Variants in SNX7 observed in about 807,000 individuals in gnomAD.
SNX7 encodes the protein sorting nexin-7.
In SNX7, 35 loss-of-function variants were observed where a neutral mutation model predicts 48.4. The observed-to-expected ratio is 0.72, with a 90% CI of 0.55 to 0.96. SNX7 has a LOEUF of 0.96. Ranked by LOEUF, SNX7 falls within the 40% of genes least tolerant of loss-of-function variation. SNX7 has a pLI of 0.00. For missense variants in SNX7, 553 were observed against 548.9 expected (o/e 1.01, Z -0.07); for synonymous variants, 190 against 190.2 (o/e 1.00, Z 0.01).
chr1:98,749,978 C>A (rs1654502758), intron 8 of SNX7, among the ~76,000 whole-genome samples: 1 of 151,942 alleles, frequency 6.6e-6, no homozygotes, highest in South Asian at 2.1e-4. Flanking sequence ...ATGTAATTAT[C>A]ATGGTACTCT....
chr1:98,668,523 A>G (rs572679475), intron 1 of SNX7, among the ~76,000 whole-genome samples: 17 of 152,340 alleles, frequency 1.1e-4, no homozygotes, highest in Non-Finnish European at 1.9e-4. Context: ...GCTTAGATCC[A>G]TTAACACTGT....
intron 1 of SNX7, among the ~76,000 whole-genome samples, chr1:98,675,158 G>A (rs773014415): frequency 2.0e-5 from 3 of 152,134 alleles, no homozygotes; most frequent in Non-Finnish European, 4.4e-5. Flanking sequence ...CTCCTGAAAC[G>A]CATCAACCGC....
intron 8 of SNX7, among the ~76,000 whole-genome samples, chr1:98,750,567 T>C (rs940255914): frequency 6.6e-6 from 1 of 152,088 alleles, no homozygotes; most frequent in African/African-American, 2.4e-5. Context: ...TTTATAAGAT[T>C]TTATGCTCAT....
At chr1:98,744,239 T>C (rs1462983943) in intron 8 of SNX7, among the ~76,000 whole-genome samples, 3 of 152,036 alleles carry the variant, frequency 2.0e-5, no homozygotes, top group African/African-American at 7.2e-5. Flanking sequence ...AAAAGTTAGT[T>C]ATACTTTCTC....
intron 8 of SNX7, among the ~76,000 whole-genome samples, chr1:98,742,732 G>C (rs1654131678): frequency 6.6e-6 from 1 of 151,926 alleles, no homozygotes; most frequent in Non-Finnish European, 1.5e-5. Context: ...TTCTCCTAGG[G>C]AGTGGTTCAT....
chr1:98,680,110 TGGA>T (rs1312332672), intron 1 of SNX7, among the ~76,000 whole-genome samples: 1 of 152,204 alleles, frequency 6.6e-6, no homozygotes, highest in Non-Finnish European at 1.5e-5. Context: ...GAAATCTAGG[TGGA>T]GGTTCCTAAA....
intron 3 of SNX7, 147 bp from the exon 4 acceptor site, chr1:98,691,388 T>G (rs1293077823): frequency 5.3e-6 from 4 of 749,854 alleles, no homozygotes; most frequent in Non-Finnish European, 7.9e-6. Context: ...TTCTCATTTT[T>G]GGTTCTAACA....
At chr1:98,755,800 A>G (rs1654813106) in intron 8 of SNX7, among the ~76,000 whole-genome samples, 1 of 151,804 alleles carries the variant, frequency 6.6e-6, no homozygotes, top group South Asian at 2.1e-4. Context: ...TTTTAACTAT[A>G]TTTGTCCTTA....
chr1:98,661,560 A>C, upstream of SNX7: 1 of 496,116 alleles, frequency 2.0e-6, no homozygotes. Flanking sequence ...CCAGGTGGGG[A>C]TGCGCCCGGC....
At chr1:98,739,534 T>A (rs1653967120) in intron 8 of SNX7, among the ~76,000 whole-genome samples, 1 of 152,194 alleles carries the variant, frequency 6.6e-6, no homozygotes, top group African/African-American at 2.4e-5. Context: ...GTTTCTCATG[T>A]AGTTACAGCC....
chr1:98,699,890 C>T (rs1390836608), intron 6 of SNX7, among the ~76,000 whole-genome samples: 1 of 152,070 alleles, frequency 6.6e-6, no homozygotes, highest in East Asian at 1.9e-4. Flanking sequence ...TCTTGCTTCC[C>T]AAAAGCCTTC....
intron 2 of SNX7, 152 bp downstream of exon 2, chr1:98,685,219 T>A (rs560022913): frequency 1.4e-4 from 60 of 438,656 alleles, no homozygotes; most frequent in Admixed American, 3.0e-4. Flanking sequence ...ACATTGCTTC[T>A]TATCTGCCCT....
intron 7 of SNX7, among the ~76,000 whole-genome samples, chr1:98,721,301 C>T (rs1486952519): frequency 3.3e-5 from 5 of 152,068 alleles, no homozygotes; most frequent in African/African-American, 1.2e-4. Flanking sequence ...ATAAGGGATA[C>T]TTAACCTGTA....
chr1:98,732,080 A>G (rs1653542023), intron 7 of SNX7, among the ~76,000 whole-genome samples: 1 of 152,100 alleles, frequency 6.6e-6, no homozygotes, highest in South Asian at 2.1e-4. Context: ...TCACTATCCT[A>G]AAGTCAAAAA....
chr1:98,664,026 G>A (rs1022305915), intron 1 of SNX7, among the ~76,000 whole-genome samples: 5 of 152,116 alleles, frequency 3.3e-5, no homozygotes, highest in Non-Finnish European at 7.3e-5. Flanking sequence ...TGCTCCACGT[G>A]GCCTTCCCTT....
intron 8 of SNX7, among the ~76,000 whole-genome samples, chr1:98,745,199 C>A (rs189065244): frequency 1.3e-5 from 2 of 151,926 alleles, no homozygotes; most frequent in Admixed American, 1.3e-4. Flanking sequence ...TAAATTGTTG[C>A]AATAGAGGTG....
chr1:98,681,401 A>G (rs995127019), intron 1 of SNX7, among the ~76,000 whole-genome samples: 1 of 152,184 alleles, frequency 6.6e-6, no homozygotes, highest in Non-Finnish European at 1.5e-5. Context: ...GAGACCAGCC[A>G]GGGCAACATA....
At chr1:98,704,026 A>G (rs1651890630) in intron 7 of SNX7, among the ~76,000 whole-genome samples, 2 of 152,150 alleles carry the variant, frequency 1.3e-5, no homozygotes, top group South Asian at 4.1e-4. Context: ...AGCACAAGGA[A>G]AAAAATAGCC....
chr1:98,755,363 A>C (rs1229676073), intron 8 of SNX7, among the ~76,000 whole-genome samples: 1 of 152,104 alleles, frequency 6.6e-6, no homozygotes, highest in Non-Finnish European at 1.5e-5. Flanking sequence ...CTGTCCACAC[A>C]TTCTGTCAGT....
Sources: gnomAD v4.1 joint callset for allele counts (sites outside exome capture counted in the v4.1 genomes callset) on GRCh38, gnomAD v4.1.1 for gene constraint, MANE v1.5 for transcripts, NCBI Gene and HGNC (gene_info 2026-07-23, HGNC 2026-07-21) for gene names.